Variants in PKD2L1 observed in about 807,000 individuals in gnomAD.
The protein encoded by PKD2L1 is polycystin 2 like 1, transient receptor potential cation channel.
PKD2L1 carries 77 observed loss-of-function variants against 93.0 expected under a neutral mutation model. The observed-to-expected ratio is 0.83, with a 90% CI of 0.69 to 1.00. The LOEUF is 1.00. Ranked by LOEUF, PKD2L1 falls within the 50% of genes least tolerant of loss-of-function variation. The probability of loss-of-function intolerance (pLI) is 0.00; values close to 1 mark genes in which losing one functional copy is unlikely to be tolerated. For synonymous variants in PKD2L1, 390 were observed against 388.0 expected, an observed-to-expected ratio of 1.01 and a Z score of -0.06; for missense variants, 977 against 990.9, an observed-to-expected ratio of 0.99 and a Z score of 0.19.
At chr10:100,299,856 G>A in intron 2 of PKD2L1, 138 bp from the exon 3 acceptor site, 1 of 695,772 alleles carries the variant, frequency 1.4e-6, no homozygotes, top group Middle Eastern at 2.9e-4. Context: ...GACTTGGTTA[G>A]GAGCCTAATG....
intron 2 of PKD2L1, among the ~76,000 whole-genome samples, chr10:100,325,136 AT>A (rs2133574274): frequency 6.6e-6 from 1 of 152,252 alleles, no homozygotes; most frequent in African/African-American, 2.4e-5. Flanking sequence ...ATCACTCCCA[AT>A]TCCGATACTG....
intron 2 of PKD2L1, among the ~76,000 whole-genome samples, chr10:100,320,287 G>C (rs1849197187): frequency 6.6e-6 from 1 of 152,166 alleles, no homozygotes; most frequent in African/African-American, 2.4e-5. Flanking sequence ...ACAATTGATG[G>C]GTCACCCATA....
At chr10:100,303,033 CAT>C (rs1257714314) in intron 2 of PKD2L1, among the ~76,000 whole-genome samples, 4 of 152,016 alleles carry the variant, frequency 2.6e-5, no homozygotes, top group Non-Finnish European at 4.4e-5. Context: ...TGCACACGCA[CAT>C]GTGTGTGGAG....
At position 100,299,648 on chromosome 10, in the gene PKD2L1, A is replaced by G; in HGVS notation, c.420T>C (p.Thr140=). 6.2e-7 allele frequency: 1 copy of G among 1,612,248 alleles called. No homozygotes were observed. Among genetic ancestry groups the G allele is most frequent in the South Asian group, 1.1e-5 (1 of 91,054 alleles). The change falls in exon 3 of 16, where the codon ACT becomes ACC. Residue 140 remains threonine, a synonymous_variant. Coordinates refer to ENST00000318222, the MANE Select transcript of PKD2L1 (RefSeq NM_016112.3). The part of the protein sequence containing the change: ...TKVMSELFLH[T]PSDTGVSFQA... ...GAAAGGAGACTCCAGTGTCTGATGG[A>G]GTATGTAAGAAGAGCTCAGACATCA...
intron 11 of PKD2L1, among the ~76,000 whole-genome samples, chr10:100,292,407 G>C (rs1848423665): frequency 6.6e-6 from 1 of 151,754 alleles, no homozygotes; most frequent in Non-Finnish European, 1.5e-5. Context: ...CATGAGAATT[G>C]CTTGACCCCG....
chr10:100,290,804 G>A (rs1344674966), intron 12 of PKD2L1, among the ~76,000 whole-genome samples: 1 of 152,230 alleles, frequency 6.6e-6, no homozygotes, highest in East Asian at 1.9e-4. Context: ...CACTACCAGT[G>A]TTCTTGGCAC....
rs1040140021 is a variant in PKD2L1 at position 100,299,637 on chromosome 10, G to A, written c.431C>T (p.Thr144Ile). 1 of 1,610,892 alleles carries A rather than the reference G, an allele frequency of 6.2e-7. No homozygotes were observed. Among genetic ancestry groups the A allele is most frequent in the African/African-American group, 1.3e-5 (1 of 74,984 alleles). ...SELFLHTPSD[T>I]GVSFQAISSM... ...GCTGATGGCCTGAAAGGAGACTCCA[G>A]TGTCTGATGGAGTATGTAAGAAGAG... The change falls in exon 3 of 16, where the codon ACT becomes ATT. Residue 144 changes from threonine (T) to isoleucine (I), a missense_variant. By Grantham distance (89) the Thr-to-Ile change is moderately conservative. Coordinates refer to ENST00000318222, the MANE Select transcript of PKD2L1 (RefSeq NM_016112.3).
intron 2 of PKD2L1, among the ~76,000 whole-genome samples, chr10:100,300,795 G>A (rs750000646): frequency 4.2e-4 from 64 of 152,174 alleles, no homozygotes; most frequent in Non-Finnish European, 8.5e-4. Context: ...TTTTTGTGGG[G>A]AGACCCCTTT....
chr10:100,307,977 A>G (rs1192201153), intron 2 of PKD2L1, among the ~76,000 whole-genome samples: 1 of 152,186 alleles, frequency 6.6e-6, no homozygotes, highest in Non-Finnish European at 1.5e-5. Flanking sequence ...CCAGTACGTC[A>G]CTACCATTTT....
intron 2 of PKD2L1, among the ~76,000 whole-genome samples, chr10:100,315,238 G>T (rs1214681313): frequency 1.3e-5 from 2 of 152,002 alleles, no homozygotes; most frequent in Non-Finnish European, 2.9e-5. Context: ...GAACGTGCAG[G>T]TTTGTTACAT....
chr10:100,313,632 C>T (rs150655685), intron 2 of PKD2L1, among the ~76,000 whole-genome samples: 12 of 152,248 alleles, frequency 7.9e-5, no homozygotes, highest in South Asian at 2.1e-4. Context: ...TGCCAATAAT[C>T]GATTCTCTCT....
intron 2 of PKD2L1, among the ~76,000 whole-genome samples, chr10:100,320,518 G>A (rs1184752245): frequency 6.6e-6 from 1 of 152,182 alleles, no homozygotes; most frequent in African/African-American, 2.4e-5. Context: ...CCCAGATCTT[G>A]GAAATGAGGT....
intron 14 of PKD2L1, 127 bp from the exon 15 acceptor site, chr10:100,289,183 G>A (rs764351552): frequency 1.9e-5 from 12 of 616,430 alleles, no homozygotes; most frequent in East Asian, 1.1e-4. Context: ...AAATTCATCC[G>A]TTAAAATTGT....
chr10:100,309,092 CA>C (rs535152063), intron 2 of PKD2L1, among the ~76,000 whole-genome samples: 135 of 148,882 alleles, frequency 9.1e-4, no homozygotes, highest in African/African-American at 2.4e-3. Context: ...TTTATAACAT[CA>C]AAAAAAAATG....
intron 2 of PKD2L1, among the ~76,000 whole-genome samples, chr10:100,313,378 G>T (rs764121828): frequency 8.5e-5 from 13 of 152,158 alleles, no homozygotes; most frequent in Non-Finnish European, 1.6e-4. Flanking sequence ...AGGAAACCAG[G>T]CAGGAAAAAC....
Position 100,294,544 on chromosome 10 carries a change from G to A in PKD2L1, c.1650C>T (p.Phe550=), listed in dbSNP as rs187704070. 35 of 1,613,864 alleles carry A rather than the reference G, an allele frequency of 2.2e-5. No homozygotes were observed. Among genetic ancestry groups the A allele is most frequent in the Admixed American group, 3.3e-5 (2 of 60,010 alleles). The change falls in exon 9 of 16, where the codon TTC becomes TTT. Residue 550 remains phenylalanine, a synonymous_variant. Transcript: ENST00000318222. ...YFVTYVFFVF[F]VLLNMFLAII... is the part of the protein sequence containing the mutation. Reference sequence around the variant, plus strand: ...TCAGAGAGACCCTCACCAGGAGCACGAAGAAGACGAAGAAGACATAGGTGA... The same window carrying A: ...TCAGAGAGACCCTCACCAGGAGCACAAAGAAGACGAAGAAGACATAGGTGA...
chr10:100,299,640 T>A lies in PKD2L1; in HGVS notation c.428A>T (p.Asp143Val), dbSNP rs1224018764. 6.2e-7 allele frequency: 1 copy of A among 1,610,980 alleles called. No homozygotes were observed. The highest frequency in any genetic ancestry group is 1.3e-5 in the African/African-American group (1 of 74,890). ...GATGGCCTGAAAGGAGACTCCAGTG[T>A]CTGATGGAGTATGTAAGAAGAGCTC... ...MSELFLHTPS[D>V]TGVSFQAISS... The change falls in exon 3 of 16, where the codon GAC becomes GTC. Residue 143 changes from aspartate (D) to valine (V), a missense_variant. Physicochemically the swap from Asp to Val is radical, Grantham distance 152. Transcript: ENST00000318222.
At position 100,321,760 on chromosome 10, in the gene PKD2L1, G is replaced by GAA. The variant is rs1564894572; in HGVS notation, c.349+7450_349+7451insTT. ...GAAAGAAAGAAAGAAAGAAAGAAGGGAGGGAGGGAGGGAGGGAGGGAGGGA... is the reference window on the plus strand; with the variant it reads ...GAAAGAAAGAAAGAAAGAAAGAAGGGAAAGGGAGGGAGGGAGGGAGGGAGGGA... On this transcript the variant is annotated intron_variant, in intron 2 of 15. Transcript: ENST00000318222. 5.6e-3 allele frequency among the ~76,000 whole-genome samples: 6 copies of GAA among 1,080 alleles called. 1 individual carries two copies. Among genetic ancestry groups the GAA allele is most frequent in the African/African-American group, 0.014 (5 of 364 alleles). The allele number at this position is 1,080 out of a possible 152,430, so 0.7% of individuals were successfully genotyped here.
chr10:100,319,715 G>T (rs970217071), intron 2 of PKD2L1, among the ~76,000 whole-genome samples: 31 of 152,332 alleles, frequency 2.0e-4, no homozygotes, highest in African/African-American at 7.2e-4. Flanking sequence ...GCATCCAATT[G>T]ATATTAATTG....
Sources: gnomAD v4.1 joint callset for allele counts (sites outside exome capture counted in the v4.1 genomes callset) on GRCh38, gnomAD v4.1.1 for gene constraint, MANE v1.5 for transcripts, NCBI Gene and HGNC (gene_info 2026-07-23, HGNC 2026-07-21) for gene names.